Variants in TRERF1 observed in about 807,000 individuals in gnomAD.
TRERF1 encodes the protein transcriptional regulating factor 1, also known as transcriptional-regulating factor 1.
In TRERF1, 27 loss-of-function variants were observed where a neutral mutation model predicts 122.9. The observed-to-expected ratio is 0.22, with a 90% CI of 0.16 to 0.30. The LOEUF is 0.30. TRERF1 is among the 10% of genes least tolerant of loss of function. The pLI, the probability that TRERF1 is intolerant of heterozygous loss-of-function variation, is 1.00. For missense variants in TRERF1, 1,248 were observed against 1,560.3 expected (o/e 0.80, Z 3.37); for synonymous variants, 636 against 641.7 (o/e 0.99, Z 0.13).
At chr6:42,332,021 C>T (rs924619167) in intron 3 of TRERF1, among the ~76,000 whole-genome samples, 2 of 152,194 alleles carry the variant, frequency 1.3e-5, no homozygotes, top group Non-Finnish European at 2.9e-5. Flanking sequence ...TGGCTCACTG[C>T]AACCTCTGCC....
At chr6:42,262,466 G>GAGACA (rs747014228) in intron 8 of TRERF1, among the ~76,000 whole-genome samples, 3 of 6,406 alleles carry the variant, frequency 4.7e-4, no homozygotes, top group African/African-American at 1.7e-3. Context: ...GAGAGAGAGA[G>GAGACA]GAGAGAGAGA....
chr6:42,416,721 T>C (rs1443698975), intron 2 of TRERF1, among the ~76,000 whole-genome samples: 1 of 152,210 alleles, frequency 6.6e-6, no homozygotes, highest in Non-Finnish European at 1.5e-5. Context: ...TTCTCTGCTT[T>C]AGGACAATGT....
At chr6:42,303,641 C>G (rs1239301928) in intron 3 of TRERF1, among the ~76,000 whole-genome samples, 1 of 152,086 alleles carries the variant, frequency 6.6e-6, no homozygotes, top group Admixed American at 6.5e-5. Context: ...TGGCTGCGCA[C>G]AGTGGGTCCC....
chr6:42,450,743 T>C (rs1788330669), intron 2 of TRERF1, among the ~76,000 whole-genome samples: 1 of 152,136 alleles, frequency 6.6e-6, no homozygotes, highest in African/African-American at 2.4e-5. Flanking sequence ...CCCTTACACA[T>C]TTCTCCCATC....
intron 2 of TRERF1, among the ~76,000 whole-genome samples, chr6:42,417,175 G>A (rs1488658938): frequency 2.0e-5 from 3 of 152,028 alleles, no homozygotes; most frequent in African/African-American, 7.2e-5. Flanking sequence ...GGCTAACCCT[G>A]CCCACCCCAT....
chr6:42,346,458 A>T lies in TRERF1; in HGVS notation c.-371+16539T>A, dbSNP rs556257411. Among the ~76,000 whole-genome samples the T allele has an allele frequency of 9.2e-5, 14 of 152,358 alleles. No individual in the cohort carries two copies. The South Asian group carries it at 2.9e-3, about 32-fold the overall frequency. ...GAGCCAACCAGAGCCAGAGAGGAAG[A>T]GAAGCATGTGCATCTATGTCCAGCT... On this transcript the variant is annotated intron_variant, in intron 3 of 17. Coordinates refer to ENST00000372922, the Ensembl canonical transcript of TRERF1.
intron 3 of TRERF1, among the ~76,000 whole-genome samples, chr6:42,356,867 C>T (rs1303922104): frequency 6.6e-6 from 1 of 152,072 alleles, no homozygotes; most frequent in African/African-American, 2.4e-5. Flanking sequence ...CCATTGCGCC[C>T]GGCCCATAAA....
chr6:42,329,196 G>A lies in TRERF1; in HGVS notation c.-370-28447C>T, dbSNP rs149952338. On this transcript the variant is annotated intron_variant, in intron 3 of 17. Coordinates refer to ENST00000372922, the Ensembl canonical transcript of TRERF1. ...CCACTTAGGCTCAATTGGTCAGAAC[G>A]GACTTGGACAGGAACAGCCCCTCCT... 4.1e-3 allele frequency among the ~76,000 whole-genome samples: 620 copies of A among 152,114 alleles called. 6 individuals are homozygous for A. The highest frequency in any genetic ancestry group is 0.013 in the African/African-American group (557 of 41,520).
chr6:42,405,137 A>G (rs1295844891), intron 2 of TRERF1, among the ~76,000 whole-genome samples: 1 of 151,986 alleles, frequency 6.6e-6, no homozygotes, highest in Non-Finnish European at 1.5e-5. Context: ...TTATAGACAG[A>G]AAAGTGAGGC....
At chr6:42,283,107 TCAAA>T (rs1390770061) in intron 4 of TRERF1, among the ~76,000 whole-genome samples, 1 of 152,120 alleles carries the variant, frequency 6.6e-6, no homozygotes, top group East Asian at 1.9e-4. Flanking sequence ...GGAGGCCATT[TCAAA>T]CAGTGAAATC....
chr6:42,307,662 C>A (rs1326506925), intron 3 of TRERF1, among the ~76,000 whole-genome samples: 1 of 148,238 alleles, frequency 6.7e-6, no homozygotes, highest in Admixed American at 6.7e-5. Context: ...CTCAGTTGTG[C>A]TTACTAAAGG....
At chr6:42,250,237 A>C (rs1403262946) in intron 13 of TRERF1, among the ~76,000 whole-genome samples, 1 of 152,184 alleles carries the variant, frequency 6.6e-6, no homozygotes, top group African/African-American at 2.4e-5. Context: ...GCAGATTCCA[A>C]ATCAGCCCAG....
chr6:42,264,971 T>G (rs1156333388), intron 6 of TRERF1, 117 bp from the exon 7 acceptor site: 5 of 1,137,178 alleles, frequency 4.4e-6, no homozygotes, highest in Non-Finnish European at 6.3e-6. Flanking sequence ...ATGATCCCAT[T>G]GTCCATGGCA....
At chr6:42,285,050 G>C (rs1782943102) in intron 4 of TRERF1, among the ~76,000 whole-genome samples, 1 of 152,116 alleles carries the variant, frequency 6.6e-6, no homozygotes, top group African/African-American at 2.4e-5. Context: ...GGATGGGGTT[G>C]AATCTGTAAA....
chr6:42,355,528 T>A (rs1770355681), intron 3 of TRERF1, among the ~76,000 whole-genome samples: 1 of 152,228 alleles, frequency 6.6e-6, no homozygotes, highest in Admixed American at 6.5e-5. Flanking sequence ...TGTTTTGATA[T>A]CAGGGCCTTG....
chr6:42,288,597 G>A (rs3997686), intron 4 of TRERF1, among the ~76,000 whole-genome samples: 59 of 93,352 alleles, frequency 6.3e-4, no homozygotes, highest in African/African-American at 1.9e-3. Flanking sequence ...AAAAAAAAAA[G>A]AGAGAGAGAC....
At position 42,233,501 on chromosome 6, in the gene TRERF1, G is replaced by A. The variant is rs144937943; in HGVS notation, c.3067-609C>T. ...AGGGTTTCACCGTGTTAGCCAGGAT[G>A]GTCTCGATCTCCTGACCTTGTGATC... is the stretch of plus-strand genomic sequence containing the variant. On this transcript the variant is annotated intron_variant, in intron 16 of 17. Transcript: ENST00000372922. Among the ~76,000 whole-genome samples, 577 of 152,180 alleles carry A rather than the reference G, an allele frequency of 3.8e-3. 8 individuals carry two copies. The highest frequency in any genetic ancestry group is 0.012 in the African/African-American group (514 of 41,504).
At chr6:42,319,812 CAAA>C (rs35939756) in intron 3 of TRERF1, among the ~76,000 whole-genome samples, 11,140 of 114,248 alleles carry the variant, frequency 0.098, 821 homozygotes, top group East Asian at 0.47. Flanking sequence ...GACTGTGTTT[CAAA>C]AAAAAAAAAA....
In TRERF1 at chr6:42,228,883, T is replaced by A. The variant is rs1031113652; in HGVS notation, c.3279-214A>T. Among the ~76,000 whole-genome samples, 2 of 152,200 alleles carry A rather than the reference T, an allele frequency of 1.3e-5. No individual in the cohort carries two copies. The highest frequency in any genetic ancestry group is 1.3e-4 in the Admixed American group (2 of 15,284). Reference sequence around the variant, plus strand: ...GGGGACAGAACACACCTACTGTGCCTCAGGCTTCCTTCCTGTGACAATGGA... The same window carrying A: ...GGGGACAGAACACACCTACTGTGCCACAGGCTTCCTTCCTGTGACAATGGA... On this transcript the variant is annotated intron_variant, in intron 17 of 17. Transcript: ENST00000372922. This position sits in a 1 kb window ranked among gnomAD's most constrained non-coding sequence, Gnocchi z 4.2.
Sources: allele counts gnomAD v4.1 joint callset (sites outside exome capture counted in the v4.1 genomes callset), GRCh38; gene constraint gnomAD v4.1.1; non-coding constraint Gnocchi (gnomAD v3.1); transcripts MANE v1.5; gene names NCBI Gene and HGNC (gene_info 2026-07-23, HGNC 2026-07-21).